Variants in TNS3 observed in about 807,000 individuals in gnomAD.
The protein encoded by TNS3 is tensin 3.
TNS3 carries 45 observed loss-of-function variants against 140.9 expected under a neutral mutation model. The ratio of observed to expected loss-of-function variants is 0.32; its 90% CI spans 0.25 to 0.41. The LOEUF is 0.41. Ranked by LOEUF, TNS3 falls within the 10% of genes least tolerant of loss-of-function variation. The pLI is 1.00. For synonymous variants in TNS3, 815 were observed against 788.4 expected (o/e 1.03, Z -0.56); for missense variants, 1,716 against 1,906.7 (o/e 0.90, Z 1.86).
chr7:47,561,629 A>G (rs1325682413), intron 1 of TNS3, among the ~76,000 whole-genome samples: 1 of 152,172 alleles, frequency 6.6e-6, no homozygotes, highest in Non-Finnish European at 1.5e-5. Flanking sequence ...GCAAGGGGCC[A>G]ATTTTTAAAA....
At chr7:47,400,144 A>T (rs536844983) in intron 15 of TNS3, among the ~76,000 whole-genome samples, 161 of 152,350 alleles carry the variant, frequency 1.1e-3, no homozygotes, top group African/African-American at 3.7e-3. Context: ...CTCCTACAAG[A>T]ATGGCCAGTC....
At chr7:47,464,168 G>A (rs904275244) in intron 4 of TNS3, among the ~76,000 whole-genome samples, 5 of 152,252 alleles carry the variant, frequency 3.3e-5, no homozygotes, top group African/African-American at 9.6e-5. Flanking sequence ...TTCTAAAGAC[G>A]TGCACTTCTT....
intron 20 of TNS3, among the ~76,000 whole-genome samples, chr7:47,323,143 G>A (rs1004688126): frequency 3.9e-5 from 6 of 152,152 alleles, no homozygotes; most frequent in Admixed American, 1.3e-4. Context: ...TTTTTCTCAC[G>A]GAGCCACATT....
At chr7:47,384,050 CA>C (rs1304752667) in intron 16 of TNS3, among the ~76,000 whole-genome samples, 1 of 152,230 alleles carries the variant, frequency 6.6e-6, no homozygotes, top group East Asian at 1.9e-4. Context: ...CACCAACTTT[CA>C]ACAAATGCAG....
chr7:47,541,386 A>G (rs1419581272), intron 1 of TNS3, among the ~76,000 whole-genome samples: 1 of 152,114 alleles, frequency 6.6e-6, no homozygotes, highest in African/African-American at 2.4e-5. Context: ...ACACACAGAG[A>G]TACTCCCAGA....
intron 2 of TNS3, 125 bp from the exon 3 acceptor site, chr7:47,507,069 T>A: frequency 1.4e-6 from 1 of 719,512 alleles, no homozygotes; most frequent in Non-Finnish European, 2.0e-6. Context: ...GGCCTCTCTC[T>A]GGCACGAGAG....
At chr7:47,496,152 A>G (rs901089489) in intron 3 of TNS3, among the ~76,000 whole-genome samples, 1 of 152,226 alleles carries the variant, frequency 6.6e-6, no homozygotes. Flanking sequence ...GGAAGCATAC[A>G]TTATAGACTC....
chr7:47,484,501 G>A (rs762312346), intron 3 of TNS3, among the ~76,000 whole-genome samples: 6 of 152,180 alleles, frequency 3.9e-5, no homozygotes, highest in African/African-American at 4.8e-5. Flanking sequence ...TGAGGCGGCC[G>A]GGCTGGGGAT....
chr7:47,529,351 T>C (rs1298820927), intron 1 of TNS3, among the ~76,000 whole-genome samples: 2 of 152,188 alleles, frequency 1.3e-5, no homozygotes, highest in East Asian at 1.9e-4. Context: ...CATTCCCAAT[T>C]CCAGAGTCCT....
At chr7:47,332,849 A>G (rs1055819211) in intron 20 of TNS3, among the ~76,000 whole-genome samples, 3 of 151,322 alleles carry the variant, frequency 2.0e-5, no homozygotes, top group African/African-American at 7.3e-5. Flanking sequence ...ATCTGTCACC[A>G]AGCCCCAGGG....
chr7:47,540,923 C>T (rs576471112), intron 1 of TNS3, among the ~76,000 whole-genome samples: 24 of 152,312 alleles, frequency 1.6e-4, no homozygotes, highest in African/African-American at 5.5e-4. Context: ...TGGACTCCAA[C>T]GTCACAGGGG....
chr7:47,400,440 T>A lies in TNS3; in HGVS notation c.872A>T (p.Tyr291Phe). 6.2e-7 allele frequency: 1 copy of A among 1,614,112 alleles called. No individual in the cohort carries two copies. Among genetic ancestry groups the A allele is most frequent in the Non-Finnish European group, 8.5e-7 (1 of 1,180,000 alleles). The change falls in exon 15 of 31, where the codon TAT becomes TTT. Residue 291 changes from tyrosine to phenylalanine, a missense_variant. Tyr to Phe is a conservative substitution (Grantham distance 22). This residue lies in a region of TNS3 where 337 missense variants were observed against 428.9 expected (regional missense o/e 0.79). Transcript: ENST00000311160. Reference protein sequence around the residue: ...NASKDDRFPDYGKVELVFSAT... With the variant: ...NASKDDRFPDFGKVELVFSAT... The stretch of plus-strand genomic sequence containing the variant: ...AGAGAAGACTAATTCAACCTTCCCA[T>A]AGTCAGGAAAACGGTCATCTGAAAA...
chr7:47,475,052 TCA>T (rs1402514972), intron 4 of TNS3, among the ~76,000 whole-genome samples: 6 of 145,976 alleles, frequency 4.1e-5, no homozygotes, highest in Admixed American at 6.8e-5. Flanking sequence ...AACAGACAAC[TCA>T]CACACAAAAA....
intron 28 of TNS3, among the ~76,000 whole-genome samples, chr7:47,282,301 G>A (rs1442639339): frequency 6.6e-6 from 1 of 151,678 alleles, no homozygotes; most frequent in Non-Finnish European, 1.5e-5. Flanking sequence ...CTGACCCTGA[G>A]TCTACCATGC....
chr7:47,388,168 A>T (rs1792180629), intron 16 of TNS3, among the ~76,000 whole-genome samples: 1 of 152,226 alleles, frequency 6.6e-6, no homozygotes. Flanking sequence ...GATGTGACTT[A>T]GAAAGGGGTG....
At chr7:47,367,758 G>A (rs1000363433) in intron 17 of TNS3, among the ~76,000 whole-genome samples, 1 of 152,138 alleles carries the variant, frequency 6.6e-6, no homozygotes, top group Non-Finnish European at 1.5e-5. Context: ...AGAACCCCTT[G>A]TGGACCCCAG....
chr7:47,550,373 G>A (rs865796985), intron 1 of TNS3, among the ~76,000 whole-genome samples: 17 of 152,310 alleles, frequency 1.1e-4, no homozygotes, highest in South Asian at 6.2e-4. Flanking sequence ...AAAGATAAAC[G>A]CGTAGAACAA....
chr7:47,492,543 G>A (rs1797854073), intron 3 of TNS3, among the ~76,000 whole-genome samples: 1 of 152,162 alleles, frequency 6.6e-6, no homozygotes, highest in African/African-American at 2.4e-5. Flanking sequence ...CCTCCTACTG[G>A]GCAGGTGCCT....
intron 20 of TNS3, among the ~76,000 whole-genome samples, chr7:47,334,940 A>T (rs1390709829): frequency 1.3e-5 from 2 of 152,314 alleles, no homozygotes; most frequent in East Asian, 3.9e-4. Flanking sequence ...ACCTTTTCTC[A>T]TGTCTTTATT....
Sources: gnomAD v4.1 joint callset for allele counts (sites outside exome capture counted in the v4.1 genomes callset) on GRCh38, gnomAD v4.1.1 for gene constraint, gnomAD v4.1.1 regional missense constraint, MANE v1.5 for transcripts, NCBI Gene and HGNC (gene_info 2026-07-23, HGNC 2026-07-21) for gene names.